Variants in KLK6 observed in about 807,000 individuals in gnomAD.
The protein encoded by KLK6 is kallikrein related peptidase 6.
In KLK6, 16 loss-of-function variants were observed where a neutral mutation model predicts 21.7. That is an observed-to-expected ratio of 0.74 (90% confidence interval 0.50 to 1.12). The LOEUF (loss-of-function observed/expected upper bound fraction) is 1.12, where lower values mean the gene tolerates loss of function less well. Ranked by LOEUF, KLK6 falls within the 50% of genes most tolerant of loss-of-function variation. KLK6 has a pLI of 0.00. For synonymous variants in KLK6, 116 were observed against 120.1 expected, an observed-to-expected ratio of 0.97 and a Z score of 0.22; for missense variants, 276 against 304.6, an observed-to-expected ratio of 0.91 and a Z score of 0.70.
Position 50,958,812 on chromosome 19 carries a change from G to A in KLK6, c.*352C>T, listed in dbSNP as rs1372639266. ...GAAAGGTACATCCCAAGGGGACACC[G>A]ACAGTAAGCAGCGGAGCTGGGATTC... On this transcript the variant is annotated 3_prime_UTR_variant, in exon 7 of 7. Transcript: ENST00000310157. The A allele has an allele frequency of 2.0e-5, 6 of 294,280 alleles. No homozygotes were observed. The highest frequency in any genetic ancestry group is 1.1e-3 in the Middle Eastern group (1 of 948). 18.2% of individuals were successfully genotyped at this position (294,280 alleles called of 1,614,324 possible). A position where few individuals can be genotyped will look rare whatever the true frequency, so the allele number is the denominator to read the frequency against.
intron 5 of KLK6, 123 bp from the exon 6 acceptor site, chr19:50,962,003 C>T (rs2090850337): frequency 1.9e-6 from 2 of 1,048,312 alleles, no homozygotes; most frequent in African/African-American, 1.6e-5. Context: ...ATTGGCACCC[C>T]TCTTCCTGTT....
rs1036919324 is a variant in KLK6, at chr19:50,967,432, G to A, written c.41-107C>T. ...TGGTCAGGTGCAGTGGCTTATGCCT[G>A]TAATCCCAGCTGAGGCAGGAGGATC... On this transcript the variant is annotated intron_variant, in intron 3 of 6. Coordinates refer to ENST00000310157, the MANE Select transcript of KLK6 (RefSeq NM_002774.4). The A allele has an allele frequency of 2.5e-5, 28 of 1,107,630 alleles. No homozygotes were observed. In the Middle Eastern group the frequency reaches 1.8e-3, roughly 71 times the overall value. The allele number at this position is 1,107,630 out of a possible 1,614,324, so 68.6% of individuals were successfully genotyped here.
chr19:50,965,556 G>A (rs540186624), intron 4 of KLK6, among the ~76,000 whole-genome samples: 7 of 152,210 alleles, frequency 4.6e-5, no homozygotes, highest in South Asian at 2.1e-4. Context: ...GGGATTACAG[G>A]CGTGAGCCAC....
In KLK6 at chr19:50,964,369, G is replaced by A. The variant is rs117575594; in HGVS notation, c.198-820C>T. The stretch of plus-strand genomic sequence containing the variant: ...ACCAGAGAACCTATCACAATCATCC[G>A]ACCTGCTATATATTTATTGTTAAAT... On this transcript the variant is annotated intron_variant, in intron 4 of 6. Coordinates refer to ENST00000310157, the MANE Select transcript of KLK6 (RefSeq NM_002774.4). Among the ~76,000 whole-genome samples, 309 of 152,100 alleles carry A rather than the reference G, an allele frequency of 2.0e-3. 4 individuals are homozygous for A. Among genetic ancestry groups the A allele is most frequent in the Admixed American group, 0.016 (237 of 15,278 alleles).
intron 4 of KLK6, 67 bp downstream of exon 4, chr19:50,967,102 G>A: frequency 6.4e-7 from 1 of 1,568,884 alleles, no homozygotes; most frequent in South Asian, 1.1e-5. Flanking sequence ...GTCACCTCCT[G>A]CCTGACATCT....
intron 4 of KLK6, 145 bp downstream of exon 4, chr19:50,967,024 C>T (rs2090937180): frequency 1.3e-6 from 1 of 793,782 alleles, no homozygotes; most frequent in Non-Finnish European, 2.1e-6. Flanking sequence ...ATTAAGTACT[C>T]AATTAAGCAA....
chr19:50,961,423 C>T (rs1046749343), intron 6 of KLK6, among the ~76,000 whole-genome samples: 5 of 152,206 alleles, frequency 3.3e-5, no homozygotes, highest in Admixed American at 1.3e-4. Flanking sequence ...CCTCCTGCTT[C>T]GGCCTCCCAA....
chr19:50,961,663 T>A (rs2090842309), intron 6 of KLK6, 81 bp downstream of exon 6: 2 of 1,536,142 alleles, frequency 1.3e-6, no homozygotes, highest in South Asian at 1.3e-5. Context: ...GGCCTGTGTC[T>A]CTCTCTTCCT....
intron 4 of KLK6, 85 bp downstream of exon 4, chr19:50,967,084 A>G: frequency 6.8e-7 from 1 of 1,464,064 alleles, no homozygotes; most frequent in Non-Finnish European, 9.5e-7. Context: ...GATGGGGGGG[A>G]TGCCTATGTC....
At chr19:50,967,118 A>G (rs2090938672) in intron 4 of KLK6, 51 bp downstream of exon 4, 1 of 1,606,668 alleles carries the variant, frequency 6.2e-7, no homozygotes, top group East Asian at 2.2e-5. Flanking sequence ...CATCTATAAG[A>G]CACCCTCAGG....
In KLK6 at chr19:50,958,856, T is replaced by G; in HGVS notation, c.*308A>C. On this transcript the variant is annotated 3_prime_UTR_variant, in exon 7 of 7. Transcript: ENST00000310157. ...GGGATTCCAGACACGTGGCTGGGCC[T>G]CTGCAGGAAGAAATCAAACGTGTGG... 1 of 357,948 alleles carries G rather than the reference T, an allele frequency of 2.8e-6. No homozygotes were observed. The highest frequency in any genetic ancestry group is 4.2e-5 in the South Asian group (1 of 23,580). 22.2% of individuals were successfully genotyped at this position (357,948 alleles called of 1,614,324 possible).
intron 4 of KLK6, among the ~76,000 whole-genome samples, chr19:50,966,849 G>A (rs2090934199): frequency 6.6e-6 from 1 of 152,086 alleles, no homozygotes; most frequent in Non-Finnish European, 1.5e-5. Flanking sequence ...GCTTCCTACT[G>A]TGCTCAGAAT....
At chr19:50,966,097 C>G (rs1025257979) in intron 4 of KLK6, among the ~76,000 whole-genome samples, 4 of 152,170 alleles carry the variant, frequency 2.6e-5, no homozygotes, top group African/African-American at 9.7e-5. Flanking sequence ...CTCCTCTGAG[C>G]TCCAGAGTCC....
At chr19:50,959,383 G>GTGTGTC in intron 6 of KLK6, 67 bp from the exon 7 acceptor site, 1 of 1,069,502 alleles carries the variant, frequency 9.4e-7, no homozygotes, top group South Asian at 1.7e-5. Flanking sequence ...GTGTGTGTGT[G>GTGTGTC]TGTGTGTGTG....
rs34616141 is a variant in KLK6, at chr19:50,968,558, G to GC, written c.-27dup. 176,763 of 176,772 alleles carry GC rather than the reference G, an allele frequency of 1. 88,377 individuals are homozygous for GC. Among genetic ancestry groups the GC allele is most frequent in the Middle Eastern group, 1 (372 of 372 alleles). 11.0% of individuals were successfully genotyped at this position (176,772 alleles called of 1,614,324 possible). A position where few individuals can be genotyped will look rare whatever the true frequency, so the allele number is the denominator to read the frequency against. ...GATCTCACCTGCTGCAGGCCTCCGG[G>GC]CTCCGGGGATTCTTGAGTCGGGGGA... is the stretch of plus-strand genomic sequence containing the variant. On this transcript the variant is annotated 5_prime_UTR_variant, in exon 2 of 7. Coordinates refer to ENST00000310157, the MANE Select transcript of KLK6 (RefSeq NM_002774.4).
intron 4 of KLK6, 84 bp from the exon 5 acceptor site, chr19:50,963,633 C>G: frequency 6.6e-7 from 1 of 1,514,384 alleles, no homozygotes; most frequent in Non-Finnish European, 9.0e-7. Context: ...TCATGAATCG[C>G]TGGCCTGCTC....
intron 3 of KLK6, among the ~76,000 whole-genome samples, 171 bp downstream of exon 3, chr19:50,967,894 A>T (rs983809143): frequency 1.4e-5 from 1 of 71,402 alleles, no homozygotes; most frequent in African/African-American, 5.6e-5. Flanking sequence ...ACCTCCCACC[A>T]CCCTCCCTAT....
At chr19:50,960,597 G>A (rs576582032) in intron 6 of KLK6, among the ~76,000 whole-genome samples, 30 of 152,044 alleles carry the variant, frequency 2.0e-4, no homozygotes, top group African/African-American at 6.8e-4. Flanking sequence ...ACTTCTCTTT[G>A]GTTCTTTTTG....
At chr19:50,965,360 C>T (rs1173716966) in intron 4 of KLK6, among the ~76,000 whole-genome samples, 2 of 152,006 alleles carry the variant, frequency 1.3e-5, no homozygotes, top group East Asian at 3.9e-4. Flanking sequence ...TCTCGGCTCA[C>T]TGCAACCTCC....
Sources: allele counts gnomAD v4.1 joint callset (sites outside exome capture counted in the v4.1 genomes callset), GRCh38; gene constraint gnomAD v4.1.1; transcripts MANE v1.5; gene names NCBI Gene and HGNC (gene_info 2026-07-23, HGNC 2026-07-21).